FOCAD: variants seen among roughly 807,000 people sequenced by gnomAD.
The protein encoded by FOCAD is KIAA1797.
FOCAD carries 198 observed loss-of-function variants against 225.6 expected under a neutral mutation model. The observed-to-expected ratio is 0.88, with a 90% CI of 0.78 to 0.99. The LOEUF is 0.99. Among genes scored for constraint, FOCAD ranks in the 50% least tolerant of loss-of-function variants. The probability of loss-of-function intolerance (pLI) is 0.00; values close to 1 mark genes in which losing one functional copy is unlikely to be tolerated. For missense variants in FOCAD, 2,713 were observed against 2,123.6 expected, an observed-to-expected ratio of 1.28 and a Z score of -5.46; for synonymous variants, 897 against 755.0, an observed-to-expected ratio of 1.19 and a Z score of -3.08.
At chr9:20,875,705 A>C (rs920889392) in intron 19 of FOCAD, 1 of 152,310 alleles carries the variant, frequency 6.6e-6, no homozygotes, top group East Asian at 1.9e-4. Context: ...GCCCTACCCA[A>C]GAAATGGTAG....
At chr9:20,749,593 C>T (rs1002988367) in intron 5 of FOCAD, among the ~76,000 whole-genome samples, 4 of 152,108 alleles carry the variant, frequency 2.6e-5, no homozygotes, top group Non-Finnish European at 5.9e-5. Context: ...TAGAGAAATG[C>T]TTTTAAAATG....
intron 35 of FOCAD, among the ~76,000 whole-genome samples, chr9:20,962,585 G>T (rs894149840): frequency 2.6e-5 from 4 of 152,126 alleles, no homozygotes; most frequent in African/African-American, 9.7e-5. Flanking sequence ...TCTACTTGTT[G>T]CCAGACTTTT....
chr9:20,811,473 A>G (rs1823069876), intron 11 of FOCAD, among the ~76,000 whole-genome samples: 1 of 152,118 alleles, frequency 6.6e-6, no homozygotes, highest in Admixed American at 6.6e-5. Flanking sequence ...CACTATAGAA[A>G]GATTGTCTGG....
intron 4 of FOCAD, among the ~76,000 whole-genome samples, chr9:20,726,903 A>C (rs1204381178): frequency 6.6e-6 from 1 of 152,114 alleles, no homozygotes; most frequent in Non-Finnish European, 1.5e-5. Context: ...TTTATTTGGC[A>C]GGAGAAGAAG....
intron 24 of FOCAD, among the ~76,000 whole-genome samples, chr9:20,922,631 A>G (rs1228756800): frequency 1.3e-5 from 2 of 152,168 alleles, no homozygotes; most frequent in Admixed American, 6.5e-5. Flanking sequence ...TATCCCTCAT[A>G]TCTGTTATAG....
chr9:20,675,816 A>C (rs1822215706), intron 2 of FOCAD, among the ~76,000 whole-genome samples: 1 of 94,876 alleles, frequency 1.1e-5, no homozygotes, highest in African/African-American at 5.0e-5. Flanking sequence ...AGTCATGTAC[A>C]AAACAAGGTA....
At chr9:20,788,309 A>G (rs991954709) in intron 10 of FOCAD, among the ~76,000 whole-genome samples, 40 of 152,186 alleles carry the variant, frequency 2.6e-4, no homozygotes, top group Admixed American at 7.9e-4. Flanking sequence ...GGGTTGGGGG[A>G]GTAAGGAGTG....
chr9:20,993,267 A>C lies in FOCAD; in HGVS notation c.5271A>C (p.Leu1757=), dbSNP rs763349314. 1.2e-6 allele frequency: 2 copies of C among 1,613,762 alleles called. No individual in the cohort carries two copies. The highest frequency in any genetic ancestry group is 1.1e-5 in the South Asian group (1 of 91,076). Residue 1757 remains leucine, a synonymous_variant, in exon 43 of 44, where the codon CTA becomes CTC. Coordinates refer to ENST00000338382, the MANE Select transcript of FOCAD (RefSeq NM_001375567.1). ...TTTTACCCTAGTTCATTGACTGGCT[A>C]TTCAGCATCATGGAAAGCCCTAAAG... ...KEQTQKFIDW[L]FSIMESPKEA... is the part of the protein sequence containing the mutation.
chr9:20,738,450 C>A (rs529756893), intron 4 of FOCAD, among the ~76,000 whole-genome samples: 2 of 152,264 alleles, frequency 1.3e-5, no homozygotes, highest in South Asian at 4.1e-4. Flanking sequence ...GATTTGACAT[C>A]CATTGGAGAA....
chr9:20,822,666 T>A (rs981355649), intron 14 of FOCAD, among the ~76,000 whole-genome samples: 2 of 152,046 alleles, frequency 1.3e-5, no homozygotes, highest in Non-Finnish European at 1.5e-5. Context: ...TAATCTCAAT[T>A]AGGTAATTCA....
chr9:20,824,234 TTTAATAG>T (rs1320210314), intron 15 of FOCAD, among the ~76,000 whole-genome samples: 2 of 152,136 alleles, frequency 1.3e-5, no homozygotes, highest in Admixed American at 1.3e-4. Context: ...GAAATATCTC[TTTAATAG>T]TTATATTACT....
chr9:20,799,733 A>T (rs920965832), intron 11 of FOCAD, among the ~76,000 whole-genome samples: 1 of 151,854 alleles, frequency 6.6e-6, no homozygotes, highest in Non-Finnish European at 1.5e-5. Context: ...TTTTGAGCCT[A>T]TGTTTGTCTG....
chr9:20,803,152 A>G (rs1000039856), intron 11 of FOCAD, among the ~76,000 whole-genome samples: 1 of 152,166 alleles, frequency 6.6e-6, no homozygotes, highest in Non-Finnish European at 1.5e-5. Context: ...TGGAATTATC[A>G]TTCAGCTTGA....
intron 10 of FOCAD, among the ~76,000 whole-genome samples, chr9:20,784,664 T>C (rs182770860): frequency 3.9e-5 from 6 of 152,344 alleles, no homozygotes; most frequent in South Asian, 2.1e-4. Context: ...TTCATTCTTA[T>C]GTGTTTTTAA....
rs548161454 is a variant in FOCAD, at chr9:20,844,101, A to G, written c.1921-18477A>G. 4.6e-5 allele frequency among the ~76,000 whole-genome samples: 7 copies of G among 152,268 alleles called. No homozygotes were observed. In the South Asian group the frequency reaches 1.4e-3, roughly 32 times the overall value. ...GCCCATTTCTAGGAATGTACCCAAGAAAAGTGCAACTATGTAAACTATACA... is the reference window on the plus strand; with the variant it reads ...GCCCATTTCTAGGAATGTACCCAAGGAAAGTGCAACTATGTAAACTATACA... On this transcript the variant is annotated intron_variant, in intron 15 of 43. Coordinates refer to ENST00000338382, the MANE Select transcript of FOCAD (RefSeq NM_001375567.1).
At chr9:20,736,313 A>C (rs1827150139) in intron 4 of FOCAD, among the ~76,000 whole-genome samples, 1 of 152,166 alleles carries the variant, frequency 6.6e-6, no homozygotes, top group Admixed American at 6.6e-5. Context: ...TTGAAGATGT[A>C]AGTGCAGTGA....
intron 28 of FOCAD, among the ~76,000 whole-genome samples, chr9:20,936,124 C>G (rs940321829): frequency 3.3e-5 from 5 of 152,166 alleles, no homozygotes; most frequent in African/African-American, 1.2e-4. Flanking sequence ...TTTAGACTTC[C>G]ATGCGTTTTG....
At chr9:20,921,296 A>G (rs1376113540) in intron 24 of FOCAD, among the ~76,000 whole-genome samples, 2 of 152,226 alleles carry the variant, frequency 1.3e-5, no homozygotes, top group Non-Finnish European at 2.9e-5. Context: ...AATTAGGTTA[A>G]TAACATCATT....
At chr9:20,790,719 C>T (rs1279045305) in intron 11 of FOCAD, among the ~76,000 whole-genome samples, 3 of 151,958 alleles carry the variant, frequency 2.0e-5, no homozygotes, top group Non-Finnish European at 4.4e-5. Flanking sequence ...TGCAGTGAGC[C>T]GAGATTGCGC....
Sources: gnomAD v4.1 joint callset for allele counts (sites outside exome capture counted in the v4.1 genomes callset) on GRCh38, gnomAD v4.1.1 for gene constraint, MANE v1.5 for transcripts, NCBI Gene and HGNC (gene_info 2026-07-23, HGNC 2026-07-21) for gene names.